The following TSPAN9 variants were observed in gnomAD, a reference collection of about 807,000 sequenced individuals.
TSPAN9 encodes tetraspanin-9.
TSPAN9 carries 16 observed loss-of-function variants against 31.0 expected under a neutral mutation model. The ratio of observed to expected loss-of-function variants is 0.52; its 90% CI spans 0.35 to 0.78. The LOEUF is 0.78. TSPAN9 is among the 30% of genes least tolerant of loss of function. The probability of loss-of-function intolerance (pLI) is 0.01; values close to 1 mark genes in which losing one functional copy is unlikely to be tolerated. For missense variants in TSPAN9, 272 were observed against 312.5 expected, an observed-to-expected ratio of 0.87 and a Z score of 0.98; for synonymous variants, 145 against 121.6, an observed-to-expected ratio of 1.19 and a Z score of -1.27.
rs530292880 is a variant in TSPAN9, at chr12:3,119,972, G to A, written c.-18+36253G>A. 1.5e-3 allele frequency among the ~76,000 whole-genome samples: 231 copies of A among 152,254 alleles called. 1 individual carries two copies. The highest frequency in any genetic ancestry group is 5.3e-3 in the African/African-American group (221 of 41,548). On this transcript the variant is annotated intron_variant, in intron 2 of 8. Coordinates refer to ENST00000011898, the MANE Select transcript of TSPAN9 (RefSeq NM_006675.5). ...ATGTGCACGTCACTCTGCTTTCTGG[G>A]CCTGGGTGCCTCTCTGTAGCGCAAG...
At chr12:3,268,942 C>G (rs1350502171) in intron 3 of TSPAN9, among the ~76,000 whole-genome samples, 5 of 111,398 alleles carry the variant, frequency 4.5e-5, no homozygotes, top group East Asian at 4.3e-4. Context: ...CCTGCCCTCT[C>G]TGTGTTCCTG....
At chr12:3,169,452 A>G (rs2098350510) in intron 2 of TSPAN9, among the ~76,000 whole-genome samples, 1 of 152,212 alleles carries the variant, frequency 6.6e-6, no homozygotes, top group African/African-American at 2.4e-5. Flanking sequence ...TTTATCCCCT[A>G]GATCTCAGCT....
intron 2 of TSPAN9, among the ~76,000 whole-genome samples, chr12:3,188,197 C>T (rs187945994): frequency 6.6e-6 from 1 of 152,256 alleles, no homozygotes; most frequent in Admixed American, 6.5e-5. Flanking sequence ...ACACTTAACC[C>T]CATTATACTG....
intron 3 of TSPAN9, among the ~76,000 whole-genome samples, chr12:3,260,397 G>T (rs1862426504): frequency 6.6e-6 from 1 of 152,164 alleles, no homozygotes; most frequent in Admixed American, 6.5e-5. Context: ...GGATGTACTT[G>T]GTATTTGTAG....
intron 2 of TSPAN9, among the ~76,000 whole-genome samples, chr12:3,112,528 T>A (rs1591633292): frequency 6.8e-6 from 1 of 147,684 alleles, no homozygotes; most frequent in Non-Finnish European, 1.5e-5. Context: ...TTCTTTTTTT[T>A]TCCTTAGTCT....
At chr12:3,174,874 A>T (rs112951387) in intron 2 of TSPAN9, among the ~76,000 whole-genome samples, 4 of 151,848 alleles carry the variant, frequency 2.6e-5, no homozygotes, top group Non-Finnish European at 4.4e-5. Context: ...GAGCCACCGC[A>T]CCCGGCCTCA....
At chr12:3,281,929 C>T (rs1385969838) in intron 8 of TSPAN9, 112 bp downstream of exon 8, 2 of 1,187,094 alleles carry the variant, frequency 1.7e-6, no homozygotes, top group Non-Finnish European at 2.5e-6. Context: ...GTCTGGAATT[C>T]ATCACAGCTA....
chr12:3,214,831 G>T (rs192085838), intron 3 of TSPAN9, among the ~76,000 whole-genome samples: 8 of 152,160 alleles, frequency 5.3e-5, no homozygotes, highest in Admixed American at 6.5e-5. Flanking sequence ...AATTACTATT[G>T]TTCCAATTCC....
At chr12:3,166,594 T>C (rs539058570) in intron 2 of TSPAN9, among the ~76,000 whole-genome samples, 10 of 152,356 alleles carry the variant, frequency 6.6e-5, no homozygotes, top group African/African-American at 1.9e-4. Flanking sequence ...TCTGTTGAAG[T>C]ATAACATATG....
intron 3 of TSPAN9, among the ~76,000 whole-genome samples, chr12:3,239,991 G>A (rs561144382): frequency 1.6e-4 from 24 of 151,478 alleles, no homozygotes; most frequent in African/African-American, 5.3e-4. Context: ...TGTAACGAAT[G>A]ACCTTATTTA....
chr12:3,230,859 C>G (rs1331935468), intron 3 of TSPAN9, among the ~76,000 whole-genome samples: 1 of 152,078 alleles, frequency 6.6e-6, no homozygotes, highest in Non-Finnish European at 1.5e-5. Context: ...CCCTGGAGAC[C>G]CCTGCAGGAC....
At position 3,147,259 on chromosome 12, in the gene TSPAN9, C is replaced by A. The variant is rs562846516; in HGVS notation, c.-17-53918C>A. Among the ~76,000 whole-genome samples the A allele has an allele frequency of 6.6e-6, 1 of 152,104 alleles. No homozygotes were observed. The highest frequency in any genetic ancestry group is 2.4e-5 in the African/African-American group (1 of 41,428). ...GCTGGGCAGCAGGAGGCAGGGACCA[C>A]GGTCCCTGCCCTGGGATGAGGAGCC... On this transcript the variant is annotated intron_variant, in intron 2 of 8. Transcript: ENST00000011898. The surrounding 1 kb of genome is among the most constrained non-coding windows in gnomAD (Gnocchi z 4.3).
At chr12:3,212,099 G>A (rs9669456) in intron 3 of TSPAN9, among the ~76,000 whole-genome samples, 81,330 of 151,906 alleles carry the variant, frequency 0.54, 22,546 homozygotes, top group Middle Eastern at 0.68. Context: ...AGCCTCCCGA[G>A]TAGCTGGGAT....
intron 1 of TSPAN9, among the ~76,000 whole-genome samples, chr12:3,081,529 C>G (rs971175713): frequency 2.6e-5 from 4 of 152,102 alleles, no homozygotes; most frequent in African/African-American, 9.7e-5. Flanking sequence ...CTCTCAAGAC[C>G]CTGGCATCCC....
At chr12:3,185,376 G>T (rs1565606129) in intron 2 of TSPAN9, among the ~76,000 whole-genome samples, 1 of 152,188 alleles carries the variant, frequency 6.6e-6, no homozygotes, top group Admixed American at 6.5e-5. Flanking sequence ...GGTTGGCAGG[G>T]TGGGGCTAGG....
intron 2 of TSPAN9, among the ~76,000 whole-genome samples, chr12:3,103,779 C>A (rs74057524): frequency 0.039 from 5,866 of 152,204 alleles, 391 homozygotes; most frequent in African/African-American, 0.13. Flanking sequence ...ACTAAGTGTC[C>A]TCAGCCTCAT....
Position 3,107,651 on chromosome 12 carries a change from C to A in TSPAN9, c.-18+23932C>A, listed in dbSNP as rs1158351687. Among the ~76,000 whole-genome samples the A allele has an allele frequency of 6.6e-6, 1 of 152,216 alleles. No individual in the cohort carries two copies. Among genetic ancestry groups the A allele is most frequent in the Non-Finnish European group, 1.5e-5 (1 of 68,050 alleles). ...TCTTCCCTGTGGGACTGCCAAGCTGCTGCAAGGACCTTTAGGTCACGCCCA... is the reference window on the plus strand; with the variant it reads ...TCTTCCCTGTGGGACTGCCAAGCTGATGCAAGGACCTTTAGGTCACGCCCA... On this transcript the variant is annotated intron_variant, in intron 2 of 8. Coordinates refer to ENST00000011898, the MANE Select transcript of TSPAN9 (RefSeq NM_006675.5). This position sits in a 1 kb window ranked among gnomAD's most constrained non-coding sequence, Gnocchi z 4.1.
intron 2 of TSPAN9, among the ~76,000 whole-genome samples, chr12:3,146,274 C>T (rs955920203): frequency 1.3e-5 from 2 of 152,170 alleles, no homozygotes; most frequent in African/African-American, 2.4e-5. Flanking sequence ...GGATGGAGCC[C>T]GTTGGAGGAG....
intron 2 of TSPAN9, among the ~76,000 whole-genome samples, chr12:3,189,416 A>G (rs1276444878): frequency 1.3e-5 from 2 of 152,202 alleles, no homozygotes; most frequent in East Asian, 1.9e-4. Context: ...AGCTGATGGC[A>G]TGTGCCAAGC....
Sources: gnomAD v4.1 joint callset for allele counts (sites outside exome capture counted in the v4.1 genomes callset) on GRCh38, gnomAD v4.1.1 for gene constraint, Gnocchi (gnomAD v3.1) non-coding constraint, MANE v1.5 for transcripts, NCBI Gene and HGNC (gene_info 2026-07-23, HGNC 2026-07-21) for gene names.